Variants in EXOG observed in about 807,000 individuals in gnomAD.
EXOG encodes the protein nuclease EXOG, mitochondrial.
Under a neutral mutation model 25.8 loss-of-function variants are expected in EXOG, and 27 were observed. The ratio of observed to expected loss-of-function variants is 1.05; its 90% CI spans 0.77 to 1.45. The LOEUF is 1.45. EXOG is among the 40% of genes most tolerant of loss of function. EXOG has a pLI of 0.00. For synonymous variants in EXOG, 133 were observed against 167.0 expected (o/e 0.80, Z 1.57); for missense variants, 458 against 450.5 (o/e 1.02, Z -0.15).
intron 4 of EXOG, among the ~76,000 whole-genome samples, chr3:38,504,133 C>T (rs893497845): frequency 3.9e-5 from 6 of 152,072 alleles, no homozygotes; most frequent in East Asian, 1.9e-4. Flanking sequence ...CTGGAGAGGC[C>T]GAGGCAGGAG....
chr3:38,513,093 C>T (rs2125782815), intron 5 of EXOG, among the ~76,000 whole-genome samples: 1 of 152,324 alleles, frequency 6.6e-6, no homozygotes, highest in South Asian at 2.1e-4. Context: ...TGAGCCACCA[C>T]ACCTGACTGT....
At chr3:38,501,156 A>G (rs1309614558) in intron 2 of EXOG, 199 bp from the exon 3 acceptor site, 1 of 535,988 alleles carries the variant, frequency 1.9e-6, no homozygotes, top group African/African-American at 1.9e-5. Flanking sequence ...CTGTATGAAA[A>G]GCATTCTTTC....
At chr3:38,522,839 G>A (rs1202938948) in intron 5 of EXOG, among the ~76,000 whole-genome samples, 1 of 152,168 alleles carries the variant, frequency 6.6e-6, no homozygotes, top group Non-Finnish European at 1.5e-5. Flanking sequence ...AAAAGGTTTA[G>A]TAATAATGTT....
intron 5 of EXOG, among the ~76,000 whole-genome samples, chr3:38,511,149 C>T (rs1264207045): frequency 6.6e-6 from 1 of 152,164 alleles, no homozygotes; most frequent in African/African-American, 2.4e-5. Flanking sequence ...TCTTCCTCTC[C>T]TGTATTTCAC....
At chr3:38,520,576 A>G (rs2060684892) in intron 5 of EXOG, among the ~76,000 whole-genome samples, 1 of 152,196 alleles carries the variant, frequency 6.6e-6, no homozygotes, top group Non-Finnish European at 1.5e-5. Flanking sequence ...ACCTGTAACT[A>G]GTCTAATCTT....
chr3:38,510,010 A>G (rs114459913), intron 5 of EXOG, among the ~76,000 whole-genome samples: 18 of 152,292 alleles, frequency 1.2e-4, no homozygotes, highest in African/African-American at 3.8e-4. Flanking sequence ...ATCTCCTCAT[A>G]CATTATTTAT....
intron 5 of EXOG, among the ~76,000 whole-genome samples, chr3:38,514,778 C>CTTTTTTT (rs10678824): frequency 8.8e-6 from 1 of 113,616 alleles, no homozygotes; most frequent in East Asian, 2.9e-4. Flanking sequence ...CCTCCCCCTG[C>CTTTTTTT]TTTTTTTTTT....
intron 5 of EXOG, among the ~76,000 whole-genome samples, chr3:38,520,215 G>A (rs2060672131): frequency 6.6e-6 from 1 of 152,120 alleles, no homozygotes; most frequent in Admixed American, 6.5e-5. Context: ...GGTGGTGGTG[G>A]CAAATTGTCA....
intron 5 of EXOG, among the ~76,000 whole-genome samples, chr3:38,517,052 A>T (rs537872413): frequency 1.3e-5 from 2 of 152,338 alleles, no homozygotes; most frequent in African/African-American, 4.8e-5. Flanking sequence ...GGAATTTATA[A>T]GTAATCTGTG....
Position 38,524,293 on chromosome 3 carries a change from C to T in EXOG, c.1038C>T (p.Arg346=). The change falls in exon 6 of 6, where the codon CGC becomes CGT. Residue 346 remains arginine (R), a synonymous_variant. Transcript: ENST00000287675. ...AACCAGATGATTACTTTATGAGTCG[C>T]TATGAGAAGAAGCTAGAAGAACTCA... is the stretch of plus-strand genomic sequence containing the variant. ...EIEPDDYFMS[R]YEKKLEELKA... is the part of the protein sequence containing the mutation. The T allele has an allele frequency of 1.9e-6, 3 of 1,613,934 alleles. No individual in the cohort carries two copies. The highest frequency in any genetic ancestry group is 2.5e-6 in the Non-Finnish European group (3 of 1,179,976).
intron 5 of EXOG, chr3:38,515,559 G>A (rs150732037): frequency 5.2e-6 from 1 of 191,442 alleles, no homozygotes. Flanking sequence ...ACTCGAAGAA[G>A]TGGGTGCTGT....
intron 5 of EXOG, among the ~76,000 whole-genome samples, chr3:38,509,514 A>G (rs1017220416): frequency 3.9e-5 from 6 of 152,226 alleles, no homozygotes; most frequent in African/African-American, 1.2e-4. Flanking sequence ...TTGGTATGTC[A>G]TTAGCAATGA....
intron 4 of EXOG, among the ~76,000 whole-genome samples, chr3:38,503,955 ATAATCT>A (rs1373385900): frequency 6.6e-6 from 1 of 152,230 alleles, no homozygotes; most frequent in Non-Finnish European, 1.5e-5. Context: ...ACTCAAAATA[ATAATCT>A]TAATAATTGA....
In EXOG at chr3:38,524,405, C is replaced by G; in HGVS notation, c.*43C>G. The G allele has an allele frequency of 6.5e-7, 1 of 1,536,072 alleles. No homozygotes were observed. The highest frequency in any genetic ancestry group is 8.7e-7 in the Non-Finnish European group (1 of 1,146,664). ...GTCATACCGTCTGTAATGAAGCAGGCATGCCCTCTTTAGGCTAACATATTT... is the reference window on the plus strand; with the variant it reads ...GTCATACCGTCTGTAATGAAGCAGGGATGCCCTCTTTAGGCTAACATATTT... On this transcript the variant is annotated 3_prime_UTR_variant, in exon 6 of 6. Coordinates refer to ENST00000287675, the MANE Select transcript of EXOG (RefSeq NM_005107.4).
Position 38,524,872 on chromosome 3 carries a change from GC to G in EXOG, c.*512del. On this transcript the variant is annotated 3_prime_UTR_variant, in exon 6 of 6. Coordinates refer to ENST00000287675, the MANE Select transcript of EXOG (RefSeq NM_005107.4). Reference sequence around the variant, plus strand: ...TGGGAAGGCATTTGTTTAGTTTCATGCCTCCAAACCATGCATTGTCTGTGAT... The same window carrying G: ...TGGGAAGGCATTTGTTTAGTTTCATGCTCCAAACCATGCATTGTCTGTGAT... 1.0e-6 allele frequency: 1 copy of G among 986,286 alleles called. No individual in the cohort carries two copies. The highest frequency in any genetic ancestry group is 1.2e-6 in the Non-Finnish European group (1 of 830,670). The allele number at this position is 986,286 out of a possible 1,614,324, so 61.1% of individuals were successfully genotyped here.
At chr3:38,496,764 C>G in intron 1 of EXOG, 1 of 1,468,532 alleles carries the variant, frequency 6.8e-7, no homozygotes, top group African/African-American at 1.4e-5. Context: ...CTGCACAGAA[C>G]CACCCCCGCC....
At chr3:38,523,622 C>A (rs1291381421) in intron 5 of EXOG, among the ~76,000 whole-genome samples, 1 of 152,150 alleles carries the variant, frequency 6.6e-6, no homozygotes. Context: ...CCCGCCTTGG[C>A]GTCCCAAAGT....
rs1050004134 is a variant in EXOG, at chr3:38,524,557, G to A, written c.*195G>A. 3 of 1,277,036 alleles carry A rather than the reference G, an allele frequency of 2.3e-6. No homozygotes were observed. The highest frequency in any genetic ancestry group is 3.0e-6 in the Non-Finnish European group (3 of 995,028). 79.1% of individuals were successfully genotyped at this position (1,277,036 alleles called of 1,614,324 possible). On this transcript the variant is annotated 3_prime_UTR_variant, in exon 6 of 6. Coordinates refer to ENST00000287675, the MANE Select transcript of EXOG (RefSeq NM_005107.4). ...TATAGCCTCAAACTTCTGGGCTTAA[G>A]CAATCCTCCTGCCTCTGCCCCCTGA...
chr3:38,511,870 G>A (rs1480944317), intron 5 of EXOG, among the ~76,000 whole-genome samples: 1 of 152,190 alleles, frequency 6.6e-6, no homozygotes, highest in Non-Finnish European at 1.5e-5. Flanking sequence ...TAGCTTGGTA[G>A]TTAGCACATA....
Sources: allele counts gnomAD v4.1 joint callset (sites outside exome capture counted in the v4.1 genomes callset), GRCh38; gene constraint gnomAD v4.1.1; transcripts MANE v1.5; gene names NCBI Gene and HGNC (gene_info 2026-07-23, HGNC 2026-07-21).